Variants in BCR observed in about 807,000 individuals in gnomAD.
BCR encodes BCR activator of RhoGEF and GTPase.
In BCR, 58 loss-of-function variants were observed where a neutral mutation model predicts 138.6. The ratio of observed to expected loss-of-function variants is 0.42; its 90% CI spans 0.34 to 0.52. The LOEUF is 0.52. Ranked by LOEUF, BCR falls within the 20% of genes least tolerant of loss-of-function variation. BCR has a pLI of 0.06. For synonymous variants in BCR, 786 were observed against 730.1 expected (o/e 1.08, Z -1.23); for missense variants, 1,599 against 1,727.2 (o/e 0.93, Z 1.32).
chr22:23,206,349 C>G (rs571211543), intron 1 of BCR, among the ~76,000 whole-genome samples: 1 of 151,986 alleles, frequency 6.6e-6, no homozygotes, highest in Non-Finnish European at 1.5e-5. Context: ...CCAAGGTGGG[C>G]GGATCACGAG....
At chr22:23,209,247 C>T (rs570658636) in intron 1 of BCR, among the ~76,000 whole-genome samples, 1 of 151,968 alleles carries the variant, frequency 6.6e-6, no homozygotes, top group African/African-American at 2.4e-5. Flanking sequence ...CTAGTCTCAG[C>T]TACTTGGGAG....
At chr22:23,294,396 A>C (rs2073823040) in intron 15 of BCR, among the ~76,000 whole-genome samples, 1 of 152,194 alleles carries the variant, frequency 6.6e-6, no homozygotes, top group African/African-American at 2.4e-5. Context: ...TATCTTTCAG[A>C]GTCCATAGAA....
Position 23,219,876 on chromosome 22 carries a change from G to A in BCR, c.1280-33923G>A, listed in dbSNP as rs79697694. 4.9e-3 allele frequency among the ~76,000 whole-genome samples: 726 copies of A among 149,460 alleles called. 7 individuals carry two copies. The highest frequency in any genetic ancestry group is 8.0e-3 in the Non-Finnish European group (542 of 67,600). On this transcript the variant is annotated intron_variant, in intron 1 of 22. Coordinates refer to ENST00000305877, the MANE Select transcript of BCR (RefSeq NM_004327.4). ...TGTAACCTGTTTCCCTCCTCCGGCC[G>A]CTCTCAGCCGCTCCTTCATGCCTCC... is the stretch of plus-strand genomic sequence containing the variant.
intron 8 of BCR, among the ~76,000 whole-genome samples, chr22:23,274,027 G>A (rs1436127136): frequency 6.6e-6 from 1 of 152,152 alleles, no homozygotes; most frequent in Admixed American, 6.5e-5. Flanking sequence ...TTCCTTTTCT[G>A]TCATTGTGGG....
Position 23,271,513 on chromosome 22 carries a change from T to TG in BCR, c.1861-18dup, listed in dbSNP as rs762011885. The TG allele has an allele frequency of 1.2e-5, 20 of 1,613,522 alleles. No homozygotes were observed. The Admixed American group carries it at 3.3e-4, about 27-fold the overall frequency. ...GCTGCTTCTGTCATCTGTGTGAACA[T>TG]GCGCTTTTCTCTCTGCAGAACCTGA... On this transcript the variant is annotated intron_variant, in intron 5 of 22. Transcript: ENST00000305877.
intron 5 of BCR, among the ~76,000 whole-genome samples, chr22:23,270,759 G>C (rs1289020642): frequency 6.6e-6 from 1 of 152,236 alleles, no homozygotes; most frequent in East Asian, 1.9e-4. Context: ...ATTAATCTCA[G>C]CTCCTTCCCA....
intron 1 of BCR, among the ~76,000 whole-genome samples, chr22:23,198,588 G>A (rs369949396): frequency 8.5e-5 from 13 of 152,296 alleles, no homozygotes; most frequent in African/African-American, 2.9e-4. Flanking sequence ...TGTGGCGGCT[G>A]TTCCCTGTGG....
At chr22:23,186,556 T>TGCCCCCAGCCCCTGGCACTGCCATTCTCC (rs1480180243) in intron 1 of BCR, among the ~76,000 whole-genome samples, 4 of 152,176 alleles carry the variant, frequency 2.6e-5, no homozygotes, top group African/African-American at 7.2e-5. Flanking sequence ...CCCCATTCCC[T>TGCCCCCAGCCCCTGGCACTGCCATTCTCC]GCCCCCAGCC....
Position 23,253,887 on chromosome 22 carries a change from T to C in BCR, c.1368T>C (p.Ile456=), listed in dbSNP as rs55938746. The C allele has an allele frequency of 7.1e-4, 1,153 of 1,613,186 alleles. 1 individual carries two copies. The highest frequency in any genetic ancestry group is 9.1e-4 in the Non-Finnish European group (1,071 of 1,179,978). Reference sequence around the variant, plus strand: ...GGCACCAAGATGGGCTGCCCTACATTGATGACTCGCCCTCCTCATCGCCCC... The same window carrying C: ...GGCACCAAGATGGGCTGCCCTACATCGATGACTCGCCCTCCTCATCGCCCC... The part of the protein sequence containing the change: ...QRRHQDGLPY[I]DDSPSSSPHL... Residue 456 remains isoleucine (I), a synonymous_variant, in exon 2 of 23, where the codon ATT becomes ATC. Transcript: ENST00000305877.
intron 4 of BCR, among the ~76,000 whole-genome samples, chr22:23,265,837 C>T (rs1446514256): frequency 6.6e-6 from 1 of 152,220 alleles, no homozygotes; most frequent in African/African-American, 2.4e-5. Flanking sequence ...AGAACAAGGA[C>T]ATTCCTATAA....
chr22:23,273,390 A>C (rs1568967035), intron 7 of BCR, among the ~76,000 whole-genome samples: 1 of 152,218 alleles, frequency 6.6e-6, no homozygotes, highest in African/African-American at 2.4e-5. Flanking sequence ...AGATCCTTAC[A>C]GAGGAGTCCT....
chr22:23,222,104 A>AAGAG (rs369244400), intron 1 of BCR, among the ~76,000 whole-genome samples: 7 of 151,776 alleles, frequency 4.6e-5, no homozygotes, highest in African/African-American at 1.7e-4. Context: ...AAACAAAAAA[A>AAGAG]AGAGAGAGAA....
intron 16 of BCR, among the ~76,000 whole-genome samples, chr22:23,298,550 TCC>T (rs2073870242): frequency 2.0e-5 from 3 of 151,226 alleles, no homozygotes; most frequent in African/African-American, 4.9e-5. Context: ...TTCCTTCCCT[TCC>T]TTCCTTTTCT....
chr22:23,277,555 C>CTGTTTCTGTCTTCCCTGGCATT (rs2073592564), intron 8 of BCR, among the ~76,000 whole-genome samples: 3 of 152,302 alleles, frequency 2.0e-5, no homozygotes, highest in Non-Finnish European at 4.4e-5. Context: ...GGGGTTGGGG[C>CTGTTTCTGTCTTCCCTGGCATT]TGTTTCTGTC....
chr22:23,270,256 G>A (rs2073494440), intron 5 of BCR, among the ~76,000 whole-genome samples: 1 of 152,194 alleles, frequency 6.6e-6, no homozygotes, highest in Non-Finnish European at 1.5e-5. Flanking sequence ...GAGATGGGCA[G>A]CATCCAGTTA....
At chr22:23,258,772 G>C (rs2073324049) in intron 2 of BCR, among the ~76,000 whole-genome samples, 1 of 152,224 alleles carries the variant, frequency 6.6e-6, no homozygotes, top group South Asian at 2.1e-4. Flanking sequence ...ACTCCTCCGG[G>C]CCTAGATGTC....
At chr22:23,199,346 G>A (rs1031517219) in intron 1 of BCR, 3 of 516,742 alleles carry the variant, frequency 5.8e-6, no homozygotes, top group South Asian at 2.8e-5. Flanking sequence ...TGGCTTCCCC[G>A]GCCCTTGTGA....
At chr22:23,185,338 TA>T (rs2072325734) in intron 1 of BCR, among the ~76,000 whole-genome samples, 1 of 151,938 alleles carries the variant, frequency 6.6e-6, no homozygotes, top group Non-Finnish European at 1.5e-5. Flanking sequence ...CCTGTGGGGG[TA>T]ATGATAGACG....
intron 1 of BCR, among the ~76,000 whole-genome samples, chr22:23,211,312 C>T (rs561919669): frequency 2.0e-5 from 3 of 151,474 alleles, no homozygotes; most frequent in Non-Finnish European, 4.4e-5. Context: ...ATTCTCCTGC[C>T]TCAGCCTCCC....
Sources: gnomAD v4.1 joint callset for allele counts (sites outside exome capture counted in the v4.1 genomes callset) on GRCh38, gnomAD v4.1.1 for gene constraint, MANE v1.5 for transcripts, NCBI Gene and HGNC (gene_info 2026-07-23, HGNC 2026-07-21) for gene names.